GPR39: variants seen among roughly 807,000 people sequenced by gnomAD.
GPR39 encodes G protein-coupled receptor 39, also known as zinc sensing receptor.
Under a neutral mutation model 18.4 loss-of-function variants are expected in GPR39, and 23 were observed. That is an observed-to-expected ratio of 1.25 (90% CI 0.90 to 1.77). The LOEUF is 1.77. Ranked by LOEUF, GPR39 falls within the 40% of genes most tolerant of loss-of-function variation. The pLI is 0.00. For synonymous variants in GPR39, 280 were observed against 257.9 expected (o/e 1.09, Z -0.82); for missense variants, 647 against 602.4 (o/e 1.07, Z -0.78).
chr2:132,565,965 G>T (rs1472502568), intron 1 of GPR39, among the ~76,000 whole-genome samples: 10 of 127,040 alleles, frequency 7.9e-5, no homozygotes, highest in African/African-American at 2.7e-4. Flanking sequence ...AGATCCCTGA[G>T]GAATCGCCAC....
At chr2:132,528,129 G>C (rs3109139) in intron 1 of GPR39, among the ~76,000 whole-genome samples, 9,946 of 152,200 alleles carry the variant, frequency 0.065, 536 homozygotes, top group African/African-American at 0.15. Context: ...AAGGGATTCA[G>C]TATCAGTTTT....
chr2:132,480,400 A>AT (rs1031402733), intron 1 of GPR39, among the ~76,000 whole-genome samples: 2 of 152,164 alleles, frequency 1.3e-5, no homozygotes, highest in East Asian at 1.9e-4. Context: ...AAGATGGTAA[A>AT]TTTTTTATTA....
rs149119161 is a variant in GPR39 at position 132,478,369 on chromosome 2, T to C, written c.856+60471T>C. Among the ~76,000 whole-genome samples, 159 of 150,246 alleles carry C rather than the reference T, an allele frequency of 1.1e-3. 1 individual carries two copies. Among genetic ancestry groups the C allele is most frequent in the African/African-American group, 3.6e-3 (150 of 41,504 alleles). On this transcript the variant is annotated intron_variant, in intron 1 of 1. Transcript: ENST00000329321. ...TGGCAAAATAATCCATTGATTCAAA[T>C]GAATGAGAATTTTCAGGCCACAGAA...
chr2:132,592,194 T>A (rs1573686475), intron 1 of GPR39, among the ~76,000 whole-genome samples: 2 of 152,192 alleles, frequency 1.3e-5, no homozygotes, highest in Non-Finnish European at 2.9e-5. Context: ...GTATGTAGCA[T>A]CCCAAATGGC....
chr2:132,429,530 C>T (rs770841690), intron 1 of GPR39, among the ~76,000 whole-genome samples: 3 of 152,206 alleles, frequency 2.0e-5, no homozygotes, highest in Non-Finnish European at 4.4e-5. Context: ...GCCTGGGCTG[C>T]GCCAGTCACG....
At chr2:132,447,490 A>G (rs866210708) in intron 1 of GPR39, among the ~76,000 whole-genome samples, 1 of 152,156 alleles carries the variant, frequency 6.6e-6, no homozygotes, top group African/African-American at 2.4e-5. Context: ...TTGCTTAGAG[A>G]TATCTTCAGC....
intron 1 of GPR39, among the ~76,000 whole-genome samples, chr2:132,610,813 G>A (rs1030596257): frequency 1.3e-5 from 2 of 150,504 alleles, no homozygotes; most frequent in Non-Finnish European, 2.9e-5. Flanking sequence ...AAGAAATCTA[G>A]GATCTTTCCA....
At chr2:132,605,617 C>T (rs1461899215) in intron 1 of GPR39, among the ~76,000 whole-genome samples, 2 of 152,106 alleles carry the variant, frequency 1.3e-5, no homozygotes, top group Admixed American at 1.3e-4. Flanking sequence ...CTTATCTTTC[C>T]CTCTGTTATG....
At chr2:132,625,192 C>T (rs548379123) in intron 1 of GPR39, among the ~76,000 whole-genome samples, 10 of 151,776 alleles carry the variant, frequency 6.6e-5, no homozygotes, top group Non-Finnish European at 1.0e-4. Flanking sequence ...GAGTACATGG[C>T]GACGTCTTGC....
At chr2:132,524,377 G>GC (rs1489043607) in intron 1 of GPR39, among the ~76,000 whole-genome samples, 68 of 152,306 alleles carry the variant, frequency 4.5e-4, no homozygotes, top group African/African-American at 1.6e-3. Flanking sequence ...GGACACCTGT[G>GC]CCCTCCTTCC....
intron 1 of GPR39, among the ~76,000 whole-genome samples, chr2:132,520,227 C>T (rs1020925519): frequency 3.3e-5 from 5 of 152,158 alleles, no homozygotes; most frequent in African/African-American, 1.2e-4. Context: ...AGGAAGCTTC[C>T]CCCACTCCAC....
intron 1 of GPR39, among the ~76,000 whole-genome samples, chr2:132,644,645 A>T (rs559266778): frequency 8.5e-5 from 13 of 152,146 alleles, no homozygotes; most frequent in African/African-American, 3.1e-4. Flanking sequence ...TGATTTAAAA[A>T]TATCACTAGG....
At chr2:132,619,830 G>GAC (rs59907073) in intron 1 of GPR39, among the ~76,000 whole-genome samples, 2,677 of 138,532 alleles carry the variant, frequency 0.019, 48 homozygotes, top group African/African-American at 0.044. Flanking sequence ...CACAGACACA[G>GAC]ACACACACAC....
chr2:132,564,810 C>CTTTTTTCTTTTTTT (rs1680317290), intron 1 of GPR39, among the ~76,000 whole-genome samples: 3 of 95,438 alleles, frequency 3.1e-5, no homozygotes, highest in African/African-American at 3.9e-5. Context: ...TTTCTTTTTT[C>CTTTTTTCTTTTTTT]TTTTTTTTTT....
chr2:132,465,034 G>A (rs1680902304), intron 1 of GPR39, among the ~76,000 whole-genome samples: 4 of 152,182 alleles, frequency 2.6e-5, no homozygotes, highest in Admixed American at 2.6e-4. Flanking sequence ...ATGATGATTT[G>A]ACTTGCTTAT....
At chr2:132,453,110 G>A (rs554187077) in intron 1 of GPR39, among the ~76,000 whole-genome samples, 14 of 152,256 alleles carry the variant, frequency 9.2e-5, no homozygotes, top group African/African-American at 3.4e-4. Context: ...GTGTAAAAGT[G>A]TTCCTATTTC....
At chr2:132,589,963 A>C (rs1434752203) in intron 1 of GPR39, among the ~76,000 whole-genome samples, 1 of 152,164 alleles carries the variant, frequency 6.6e-6, no homozygotes, top group African/African-American at 2.4e-5. Context: ...TTTCTCAGTA[A>C]CCCCCATGAA....
chr2:132,421,610 T>A (rs1680010315), intron 1 of GPR39, among the ~76,000 whole-genome samples: 1 of 152,228 alleles, frequency 6.6e-6, no homozygotes, highest in South Asian at 2.1e-4. Context: ...CTTGGTTTGC[T>A]CATATTGAAT....
chr2:132,555,503 T>A (rs1680134458), intron 1 of GPR39, among the ~76,000 whole-genome samples: 1 of 152,192 alleles, frequency 6.6e-6, no homozygotes, highest in Non-Finnish European at 1.5e-5. Context: ...CTGGGGCTAC[T>A]GGTGTCTCTG....
Sources: allele counts gnomAD v4.1 joint callset (sites outside exome capture counted in the v4.1 genomes callset), GRCh38; gene constraint gnomAD v4.1.1; transcripts MANE v1.5; gene names NCBI Gene and HGNC (gene_info 2026-07-23, HGNC 2026-07-21).